Variants in TMEM132A observed in about 807,000 individuals in gnomAD.
TMEM132A encodes the protein GRP78-binding protein.
TMEM132A carries 48 observed loss-of-function variants against 69.9 expected under a neutral mutation model. The observed-to-expected ratio is 0.69, with a 90% CI of 0.55 to 0.87. TMEM132A has a LOEUF of 0.87. Among genes scored for constraint, TMEM132A ranks in the 40% least tolerant of loss-of-function variants. The probability of loss-of-function intolerance (pLI) is 0.00; values close to 1 mark genes in which losing one functional copy is unlikely to be tolerated. For synonymous variants in TMEM132A, 577 were observed against 613.7 expected (o/e 0.94, Z 0.88); for missense variants, 1,287 against 1,407.2 (o/e 0.91, Z 1.37).
Position 60,934,709 on chromosome 11 carries a change from C to T in TMEM132A, c.1781C>T (p.Ser594Phe). 6.2e-7 allele frequency: 1 copy of T among 1,607,798 alleles called. No individual in the cohort carries two copies. The highest frequency in any genetic ancestry group is 8.5e-7 in the Non-Finnish European group (1 of 1,179,162). Residue 594 changes from serine to phenylalanine, a missense_variant, in exon 9 of 11, where the codon TCT becomes TTT. Physicochemically the swap from Ser to Phe is radical, Grantham distance 155. Coordinates refer to ENST00000453848, the MANE Select transcript of TMEM132A (RefSeq NM_178031.3). ...HARVLDSRVA[S>F]LEGGRVVVGR... ...CGCGTGCTGGACTCGCGTGTAGCCT[C>T]TCTGGAGGGTGGCCGTGTCGTGGTG...
In TMEM132A at chr11:60,933,602, G is replaced by A. The variant is rs1001985966; in HGVS notation, c.1417G>A (p.Val473Met). The A allele has an allele frequency of 6.2e-7, 1 of 1,607,266 alleles. No individual in the cohort carries two copies. Among genetic ancestry groups the A allele is most frequent in the Non-Finnish European group, 8.5e-7 (1 of 1,179,356 alleles). ...CAAGGAGAGCCGGGGCGCCCGGGGG[G>A]TGCGAGTGGACTTCTGGTGGCGCCG... Reference protein sequence around the residue: ...AGKESRGARGVRVDFWWRRLR... With the variant: ...AGKESRGARGMRVDFWWRRLR... The change falls in exon 8 of 11, where the codon GTG becomes ATG. Residue 473 changes from valine (V) to methionine (M), a missense_variant. Physicochemically the swap from Val to Met is conservative, Grantham distance 21. Transcript: ENST00000453848.
intron 5 of TMEM132A, among the ~76,000 whole-genome samples, chr11:60,931,298 C>T (rs1856475414): frequency 6.6e-6 from 1 of 152,226 alleles, no homozygotes; most frequent in Admixed American, 6.5e-5. Flanking sequence ...TCAAAGGAAG[C>T]TTATCATTCA....
rs756316072 is a variant in TMEM132A, at chr11:60,936,045, C to T, written c.2210C>T (p.Pro737Leu). ...VVSGAGAEGL[P>L]LHVALHPPEP... ...AGTGGGGCAGGCGCCGAGGGGCTGCCGCTGCATGTGGCTCTGCACCCGCCC... is the reference window on the plus strand; with the variant it reads ...AGTGGGGCAGGCGCCGAGGGGCTGCTGCTGCATGTGGCTCTGCACCCGCCC... The change falls in exon 11 of 11, where the codon CCG becomes CTG. Residue 737 changes from proline to leucine, a missense_variant. Pro to Leu is a moderately conservative substitution (Grantham distance 98). Coordinates refer to ENST00000453848, the MANE Select transcript of TMEM132A (RefSeq NM_178031.3). 2.9e-5 allele frequency: 46 copies of T among 1,604,698 alleles called. No individual in the cohort carries two copies. Among genetic ancestry groups the T allele is most frequent in the Non-Finnish European group, 3.8e-5 (45 of 1,177,832 alleles).
At position 60,924,673 on chromosome 11, in the gene TMEM132A, C is replaced by T; in HGVS notation, c.40C>T (p.Arg14Trp). 1.3e-6 allele frequency: 2 copies of T among 1,594,138 alleles called. No individual in the cohort carries two copies. Among genetic ancestry groups the T allele is most frequent in the Non-Finnish European group, 1.7e-6 (2 of 1,176,534 alleles). The part of the protein sequence containing the change: ...RMAGRTTAAP[R>W]GPYGPWLCLL... Reference sequence around the variant, plus strand: ...GGCCGGTCGCACAACAGCGGCCCCTCGGGGGCCCTACGGCCCCTGGCTCTG... The same window carrying T: ...GGCCGGTCGCACAACAGCGGCCCCTTGGGGGCCCTACGGCCCCTGGCTCTG... The change falls in exon 1 of 11, where the codon CGG becomes TGG. Residue 14 changes from arginine (R) to tryptophan (W), a missense_variant. By Grantham distance (101) the Arg-to-Trp change is moderately radical (BLOSUM62 -3). Transcript: ENST00000453848.
rs1328330720 is a variant in TMEM132A, at chr11:60,933,653, G to A, written c.1468G>A (p.Val490Met). Reference sequence around the variant, plus strand: ...GCTCCGCGCCTCGCTGCGGCTGACCGTGTGGGCCCCCCTGCTACCGCTGCG... The same window carrying A: ...GCTCCGCGCCTCGCTGCGGCTGACCATGTGGGCCCCCCTGCTACCGCTGCG... ...RRLRASLRLT[V>M]WAPLLPLRIE... Residue 490 changes from valine (V) to methionine (M), a missense_variant, in exon 8 of 11, where the codon GTG (valine) becomes ATG (methionine). Coordinates refer to ENST00000453848, the MANE Select transcript of TMEM132A (RefSeq NM_178031.3). The A allele has an allele frequency of 1.9e-6, 3 of 1,605,884 alleles. No homozygotes were observed. The highest frequency in any genetic ancestry group is 1.3e-5 in the African/African-American group (1 of 74,964).
chr11:60,931,771 G>A lies in TMEM132A; in HGVS notation c.1099G>A (p.Val367Ile), dbSNP rs773903804. ...TGGGVAVTRP[V>I]TWQLEYPGQA... ...TGGGGGCGTAGCGGTCACTCGCCCC[G>A]TCACGTGGCAGCTGGAGTACCCAGG... Residue 367 changes from valine to isoleucine, a missense_variant, in exon 6 of 11, where the codon GTC (valine) becomes ATC (isoleucine). By Grantham distance (29) the Val-to-Ile change is conservative. Coordinates refer to ENST00000453848, the MANE Select transcript of TMEM132A (RefSeq NM_178031.3). The A allele has an allele frequency of 4.0e-5, 64 of 1,614,082 alleles. No individual in the cohort carries two copies. Among genetic ancestry groups the A allele is most frequent in the Admixed American group, 2.5e-4 (15 of 60,016 alleles).
Position 60,933,596 on chromosome 11 carries a change from C to G in TMEM132A, c.1411C>G (p.Arg471Gly). The part of the protein sequence containing the change: ...FVAGKESRGA[R>G]GVRVDFWWRR... The stretch of plus-strand genomic sequence containing the variant: ...GGCTGGCAAGGAGAGCCGGGGCGCC[C>G]GGGGGGTGCGAGTGGACTTCTGGTG... The change falls in exon 8 of 11, where the codon CGG (arginine) becomes GGG (glycine). Residue 471 changes from arginine (R) to glycine (G), a missense_variant. Coordinates refer to ENST00000453848, the MANE Select transcript of TMEM132A (RefSeq NM_178031.3). The G allele has an allele frequency of 6.2e-7, 1 of 1,607,248 alleles. No homozygotes were observed. The highest frequency in any genetic ancestry group is 8.5e-7 in the Non-Finnish European group (1 of 1,179,270).
intron 1 of TMEM132A, chr11:60,926,680 C>T (rs993002026): frequency 1.6e-5 from 3 of 190,292 alleles, no homozygotes; most frequent in Non-Finnish European, 2.2e-5. Context: ...CGATACCAGT[C>T]GGTTCAGGGA....
intron 4 of TMEM132A, 76 bp from the exon 5 acceptor site, chr11:60,930,434 C>A: frequency 1.3e-6 from 2 of 1,482,990 alleles, no homozygotes; most frequent in Non-Finnish European, 9.0e-7. Context: ...GGCTTTGGCT[C>A]CTTGTCTTTC....
Position 60,924,740 on chromosome 11 carries a change from G to A in TMEM132A, c.100+7G>A. 3.2e-6 allele frequency: 5 copies of A among 1,546,174 alleles called. No individual in the cohort carries two copies. The South Asian group carries it at 3.5e-5, about 11-fold the overall frequency. On this transcript the variant is annotated splice_region_variant and intron_variant, in intron 1 of 10. Coordinates refer to ENST00000453848, the MANE Select transcript of TMEM132A (RefSeq NM_178031.3). Reference sequence around the variant, plus strand: ...GCCCTGGACGTCGTGAGAGGTCAGCGGGAGGGGAGGGCCGGGGCGAGGGGC... The same window carrying A: ...GCCCTGGACGTCGTGAGAGGTCAGCAGGAGGGGAGGGCCGGGGCGAGGGGC...
chr11:60,934,033 T>C, intron 8 of TMEM132A: 1 of 468,728 alleles, frequency 2.1e-6, no homozygotes, highest in African/African-American at 2.0e-5. Context: ...CTTTCCACGC[T>C]CCTCCCCCGA....
rs183954132 is a variant in TMEM132A at position 60,932,062 on chromosome 11, G to A, written c.1291G>A (p.Gly431Arg). Residue 431 changes from glycine to arginine, a missense_variant, in exon 7 of 11, where the codon GGG (glycine) becomes AGG (arginine). Coordinates refer to ENST00000453848, the MANE Select transcript of TMEM132A (RefSeq NM_178031.3). The part of the protein sequence containing the change: ...VPVRLVTVDG[G>R]GALVEVTEHV... ...CGTGCGCCTTGTCACTGTGGACGGC[G>A]GGGGGGCCTTGGTGGAGGTGACAGA... 13 of 1,586,236 alleles carry A rather than the reference G, an allele frequency of 8.2e-6. No homozygotes were observed. The highest frequency in any genetic ancestry group is 8.1e-5 in the African/African-American group (6 of 74,068).
At position 60,924,513 on chromosome 11, in the gene TMEM132A, C is replaced by T. The variant is rs113340470; in HGVS notation, c.-121C>T. On this transcript the variant is annotated 5_prime_UTR_variant, in exon 1 of 11. Transcript: ENST00000453848. ...GCAGCCGCGGGGCGGGCGGCGGCGG[C>T]GGCGGCGGCGGCCGGGACCCAGCGG... The T allele has an allele frequency of 3.6e-3, 2,131 of 589,354 alleles. 41 individuals are homozygous for T. In the African/African-American group the frequency reaches 0.036, roughly 10 times the overall value. 36.5% of individuals were successfully genotyped at this position (589,354 alleles called of 1,614,324 possible). A position where few individuals can be genotyped will look rare whatever the true frequency, so the allele number is the denominator to read the frequency against.
intron 3 of TMEM132A, 56 bp from the exon 4 acceptor site, chr11:60,928,573 C>G: frequency 1.3e-6 from 2 of 1,515,472 alleles, no homozygotes; most frequent in Non-Finnish European, 1.8e-6. Context: ...GCTGAGAATC[C>G]TGTTCCTCGC....
rs1016463556 is a variant in TMEM132A at position 60,935,658 on chromosome 11, G to A, written c.2029-206G>A. 2.9e-5 allele frequency: 22 copies of A among 771,314 alleles called. No individual in the cohort carries two copies. The highest frequency in any genetic ancestry group is 4.3e-5 in the Non-Finnish European group (21 of 490,290). The allele number at this position is 771,314 out of a possible 1,614,324, so 47.8% of individuals were successfully genotyped here. A position where few individuals can be genotyped will look rare whatever the true frequency, so the allele number is the denominator to read the frequency against. On this transcript the variant is annotated intron_variant, in intron 10 of 10. Transcript: ENST00000453848. This position sits in a 1 kb window ranked among gnomAD's most constrained non-coding sequence, Gnocchi z 5.0. Reference sequence around the variant, plus strand: ...GGTTGGTTAGATGGCTCTAACTGAGGACCCTCCCAATAACTCAGACCCTAG... The same window carrying A: ...GGTTGGTTAGATGGCTCTAACTGAGAACCCTCCCAATAACTCAGACCCTAG...
rs867405127 is a variant in TMEM132A at position 60,935,293 on chromosome 11, G to A, written c.1878G>A (p.Ala626=). ...CTGACTCCATCCTGGGGGAGCAGGC[G>A]CTGGCTGTGACGGACGACAAGGTCT... The part of the protein sequence containing the change: ...PLSDSILGEQ[A]LAVTDDKVSV... The change falls in exon 10 of 11, where the codon GCG becomes GCA. Residue 626 remains alanine, a synonymous_variant. Transcript: ENST00000453848. The surrounding 1 kb of genome is among the most constrained non-coding windows in gnomAD (Gnocchi z 5.0). 16 of 1,612,404 alleles carry A rather than the reference G, an allele frequency of 9.9e-6. 1 individual carries two copies. The Middle Eastern group carries it at 1.6e-3, about 162-fold the overall frequency.
chr11:60,931,912 A>T (rs549907088), intron 6 of TMEM132A, 28 bp downstream of exon 6: 3 of 1,614,044 alleles, frequency 1.9e-6, no homozygotes, highest in Non-Finnish European at 2.5e-6. Flanking sequence ...TCTGCCTGGG[A>T]AGGCTGGAGG....
rs747204205 is a variant in TMEM132A at position 60,935,969 on chromosome 11, G to T, written c.2134G>T (p.Gly712Cys). 6.2e-7 allele frequency: 1 copy of T among 1,611,384 alleles called. No homozygotes were observed. The highest frequency in any genetic ancestry group is 8.5e-7 in the Non-Finnish European group (1 of 1,179,874). Residue 712 changes from glycine (G) to cysteine (C), a missense_variant, in exon 11 of 11, where the codon GGT (glycine) becomes TGT (cysteine). Gly to Cys is a radical substitution (Grantham distance 159). Transcript: ENST00000453848. The surrounding 1 kb of genome is among the most constrained non-coding windows in gnomAD (Gnocchi z 5.0). Reference protein sequence around the residue: ...LGLSVSAEEPGAILPAEEQGA... With the variant: ...LGLSVSAEEPCAILPAEEQGA... ...ACTGTCCGTCTCAGCCGAGGAGCCTGGTGCCATCCTGCCAGCTGAGGAGCA... is the reference window on the plus strand; with the variant it reads ...ACTGTCCGTCTCAGCCGAGGAGCCTTGTGCCATCCTGCCAGCTGAGGAGCA...
In TMEM132A at chr11:60,935,703, G is replaced by A. The variant is rs1856578871; in HGVS notation, c.2029-161G>A. The A allele has an allele frequency of 3.3e-6, 3 of 916,584 alleles. No individual in the cohort carries two copies. Among genetic ancestry groups the A allele is most frequent in the Non-Finnish European group, 4.9e-6 (3 of 608,676 alleles). The allele number at this position is 916,584 out of a possible 1,614,324, so 56.8% of individuals were successfully genotyped here. On this transcript the variant is annotated intron_variant, in intron 10 of 10. Transcript: ENST00000453848. This position sits in a 1 kb window ranked among gnomAD's most constrained non-coding sequence, Gnocchi z 5.0. The stretch of plus-strand genomic sequence containing the variant: ...CCCTAGGGCTGAGTGGCAGACAGGT[G>A]ATTGACACGCGTCCCCTCTCTCCCT...
Sources: gnomAD v4.1 joint callset for allele counts (sites outside exome capture counted in the v4.1 genomes callset) on GRCh38, gnomAD v4.1.1 for gene constraint, Gnocchi (gnomAD v3.1) non-coding constraint, MANE v1.5 for transcripts, NCBI Gene and HGNC (gene_info 2026-07-23, HGNC 2026-07-21) for gene names.